The following CAMKMT variants were observed in gnomAD, a reference collection of about 807,000 sequenced individuals.
CAMKMT encodes CaM KMT.
In CAMKMT, 53 loss-of-function variants were observed where a neutral mutation model predicts 48.0. That is an observed-to-expected ratio of 1.10 (90% confidence interval 0.89 to 1.39). The LOEUF (loss-of-function observed/expected upper bound fraction) is 1.39, where lower values mean the gene tolerates loss of function less well. Ranked by LOEUF, CAMKMT falls within the 40% of genes most tolerant of loss-of-function variation. The pLI is 0.00. For missense variants in CAMKMT, 428 were observed against 402.7 expected, an observed-to-expected ratio of 1.06 and a Z score of -0.54; for synonymous variants, 165 against 152.3, an observed-to-expected ratio of 1.08 and a Z score of -0.61.
chr2:44,635,274 G>T (rs1295084781), intron 3 of CAMKMT, among the ~76,000 whole-genome samples: 4 of 152,132 alleles, frequency 2.6e-5, no homozygotes, highest in African/African-American at 7.2e-5. Context: ...AAGGCAGATT[G>T]TAAGCTACCT....
At chr2:44,664,279 C>G (rs988316154) in intron 3 of CAMKMT, among the ~76,000 whole-genome samples, 3 of 152,122 alleles carry the variant, frequency 2.0e-5, no homozygotes, top group African/African-American at 7.2e-5. Flanking sequence ...GCTAATGATG[C>G]CTTATAGGTT....
chr2:44,689,078 C>G (rs567026652), intron 3 of CAMKMT, among the ~76,000 whole-genome samples: 1 of 152,244 alleles, frequency 6.6e-6, no homozygotes, highest in South Asian at 2.1e-4. Flanking sequence ...TCACAGGTAA[C>G]TCCAGGGAAG....
chr2:44,389,179 C>T (rs1681072357), intron 2 of CAMKMT, among the ~76,000 whole-genome samples: 1 of 152,072 alleles, frequency 6.6e-6, no homozygotes. Flanking sequence ...GTGGGTCTTG[C>T]TGTAGCTGCT....
intron 3 of CAMKMT, among the ~76,000 whole-genome samples, chr2:44,465,014 A>C (rs1054753096): frequency 1.3e-5 from 2 of 152,208 alleles, no homozygotes; most frequent in Non-Finnish European, 2.9e-5. Context: ...TTATCTTTTA[A>C]ATTGGATTAT....
chr2:44,523,546 C>T (rs1027530383), intron 3 of CAMKMT, among the ~76,000 whole-genome samples: 6 of 151,398 alleles, frequency 4.0e-5, no homozygotes, highest in South Asian at 2.1e-4. Flanking sequence ...CCACCCACCT[C>T]GGCCTCCCAA....
intron 2 of CAMKMT, among the ~76,000 whole-genome samples, chr2:44,377,409 C>T (rs1036998409): frequency 2.0e-5 from 3 of 152,122 alleles, no homozygotes; most frequent in Non-Finnish European, 4.4e-5. Flanking sequence ...TACCAAAATT[C>T]TTTGATTAAA....
At chr2:44,685,987 A>G (rs1010900535) in intron 3 of CAMKMT, among the ~76,000 whole-genome samples, 3 of 152,134 alleles carry the variant, frequency 2.0e-5, no homozygotes, top group African/African-American at 4.8e-5. Flanking sequence ...GATGGAATAA[A>G]ATTAAGGGAA....
intron 3 of CAMKMT, among the ~76,000 whole-genome samples, chr2:44,442,915 A>T (rs1666760496): frequency 6.6e-6 from 1 of 152,216 alleles, no homozygotes. Context: ...GAATAAATGA[A>T]TGAATAAAAT....
At chr2:44,387,744 T>A (rs1271403323) in intron 2 of CAMKMT, among the ~76,000 whole-genome samples, 7 of 152,182 alleles carry the variant, frequency 4.6e-5, no homozygotes, top group African/African-American at 1.7e-4. Context: ...ATTCTCTCAG[T>A]ATTTGTCTGA....
intron 7 of CAMKMT, among the ~76,000 whole-genome samples, chr2:44,741,436 A>G (rs1197112031): frequency 2.0e-5 from 3 of 152,240 alleles, no homozygotes; most frequent in Admixed American, 6.5e-5. Context: ...TACTGTATGA[A>G]TGGTGCTCTT....
chr2:44,460,322 G>T (rs544779997), intron 3 of CAMKMT, among the ~76,000 whole-genome samples: 3 of 152,234 alleles, frequency 2.0e-5, no homozygotes, highest in South Asian at 4.1e-4. Flanking sequence ...AAGATTCTCT[G>T]TGTTATTTCT....
intron 3 of CAMKMT, among the ~76,000 whole-genome samples, chr2:44,394,481 G>T (rs560514425): frequency 7.2e-4 from 110 of 151,728 alleles, no homozygotes; most frequent in Non-Finnish European, 1.3e-3. Flanking sequence ...AGGCTAGAGT[G>T]CAATGGTGCA....
intron 5 of CAMKMT, 141 bp from the exon 6 acceptor site, chr2:44,707,258 C>T (rs1387679118): frequency 7.2e-6 from 5 of 695,174 alleles, no homozygotes; most frequent in African/African-American, 3.7e-5. Flanking sequence ...ATAATGCAGA[C>T]ATAAAATGAA....
At chr2:44,504,205 C>A (rs786409) in intron 3 of CAMKMT, among the ~76,000 whole-genome samples, 101,795 of 151,774 alleles carry the variant, frequency 0.67, 34,666 homozygotes, top group Admixed American at 0.71. Flanking sequence ...ATAACACAAC[C>A]CAGAACTCAT....
At chr2:44,763,363 C>G (rs1384285022) in intron 9 of CAMKMT, among the ~76,000 whole-genome samples, 1 of 152,176 alleles carries the variant, frequency 6.6e-6, no homozygotes, top group Non-Finnish European at 1.5e-5. Context: ...TCGGGAAAAT[C>G]TTTTCAAAGG....
At chr2:44,716,134 AC>A (rs1457063555) in intron 7 of CAMKMT, among the ~76,000 whole-genome samples, 10 of 152,150 alleles carry the variant, frequency 6.6e-5, no homozygotes. Context: ...TTAACCACAG[AC>A]TTTATTAGAA....
chr2:44,637,926 A>G (rs935141939), intron 3 of CAMKMT, among the ~76,000 whole-genome samples: 2 of 152,120 alleles, frequency 1.3e-5, no homozygotes, highest in South Asian at 2.1e-4. Context: ...TTAGCTGGGC[A>G]TGGTGGCACG....
chr2:44,723,935 A>G (rs1678631458), intron 7 of CAMKMT: 1 of 152,158 alleles, frequency 6.6e-6, no homozygotes, highest in South Asian at 2.1e-4. Flanking sequence ...TTGATCAGAT[A>G]ATCTGTTTCA....
intron 3 of CAMKMT, among the ~76,000 whole-genome samples, chr2:44,554,643 G>A (rs1558698842): frequency 6.6e-6 from 1 of 152,106 alleles, no homozygotes; most frequent in Non-Finnish European, 1.5e-5. Flanking sequence ...GTCTGAGGTG[G>A]GAGGATCACT....
Sources: allele counts gnomAD v4.1 joint callset (sites outside exome capture counted in the v4.1 genomes callset), GRCh38; gene constraint gnomAD v4.1.1; transcripts MANE v1.5; gene names NCBI Gene and HGNC (gene_info 2026-07-23, HGNC 2026-07-21).